Variants in PTPN2 observed in about 807,000 individuals in gnomAD.
PTPN2 encodes tyrosine-protein phosphatase non-receptor type 2.
In PTPN2, 19 loss-of-function variants were observed where a neutral mutation model predicts 57.3. The ratio of observed to expected loss-of-function variants is 0.33; its 90% confidence interval spans 0.23 to 0.49. The LOEUF is 0.49. PTPN2 is among the 20% of genes least tolerant of loss of function. The pLI is 0.99. For missense variants in PTPN2, 358 were observed against 501.1 expected, an observed-to-expected ratio of 0.71 and a Z score of 2.73; for synonymous variants, 153 against 164.9, an observed-to-expected ratio of 0.93 and a Z score of 0.55.
intron 1 of PTPN2, chr18:12,883,805 C>T (rs1310412347): frequency 6.1e-6 from 2 of 328,710 alleles, no homozygotes; most frequent in Non-Finnish European, 1.1e-5. Flanking sequence ...CAAGAAGCCG[C>T]TGTGGCACCG....
chr18:12,785,934 CAATG>C, intron 9 of PTPN2: 1 of 1,148,690 alleles, frequency 8.7e-7, no homozygotes, highest in South Asian at 1.3e-5. Flanking sequence ...AAAGGACTAA[CAATG>C]AACTGAAAAG....
At chr18:12,865,463 C>T (rs563328339) in intron 1 of PTPN2, among the ~76,000 whole-genome samples, 38 of 149,708 alleles carry the variant, frequency 2.5e-4, no homozygotes, top group African/African-American at 8.6e-4. Flanking sequence ...AAGAGAGAGG[C>T]GGGGCACAGT....
At chr18:12,825,513 T>C (rs897921250) in intron 5 of PTPN2, among the ~76,000 whole-genome samples, 4 of 152,194 alleles carry the variant, frequency 2.6e-5, no homozygotes, top group Admixed American at 6.5e-5. Context: ...GAGCTGGATC[T>C]GAATCCAGGT....
intron 1 of PTPN2, chr18:12,863,560 G>A (rs1381653277): frequency 4.8e-5 from 7 of 147,252 alleles, no homozygotes; most frequent in South Asian, 2.2e-4. Flanking sequence ...TTGGGGGGGG[G>A]GGGGCAAGTG....
At chr18:12,840,890 G>A in intron 2 of PTPN2, 2 of 1,559,462 alleles carry the variant, frequency 1.3e-6, no homozygotes, top group Non-Finnish European at 1.7e-6. Flanking sequence ...TGCAGTCCAT[G>A]ACATATCTTC....
intron 1 of PTPN2, among the ~76,000 whole-genome samples, chr18:12,861,230 T>C (rs1359103144): frequency 1.3e-5 from 2 of 152,234 alleles, no homozygotes; most frequent in Non-Finnish European, 2.9e-5. Context: ...GACTGGTAAG[T>C]ACTTTTGCAA....
intron 8 of PTPN2, among the ~76,000 whole-genome samples, chr18:12,798,319 G>A (rs1342939774): frequency 6.6e-6 from 1 of 152,134 alleles, no homozygotes; most frequent in Non-Finnish European, 1.5e-5. Context: ...TCCGTGACAT[G>A]TACAACAAGT....
intron 4 of PTPN2, among the ~76,000 whole-genome samples, 197 bp from the exon 5 acceptor site, chr18:12,826,141 G>C (rs1347329666): frequency 3.3e-5 from 5 of 152,182 alleles, no homozygotes; most frequent in Non-Finnish European, 5.9e-5. Flanking sequence ...GGTGACTCAC[G>C]CCTGTAATCC....
At chr18:12,798,771 C>A (rs933702013) in intron 8 of PTPN2, among the ~76,000 whole-genome samples, 2 of 152,070 alleles carry the variant, frequency 1.3e-5, no homozygotes, top group African/African-American at 2.4e-5. Flanking sequence ...GGGTGTATAC[C>A]CAGTAATGGG....
chr18:12,864,402 CT>C (rs1248951965), intron 1 of PTPN2, among the ~76,000 whole-genome samples: 155 of 143,942 alleles, frequency 1.1e-3, no homozygotes, highest in Admixed American at 2.0e-3. Context: ...ACCTACTTTC[CT>C]TTTTTTTTTT....
chr18:12,835,527 C>T (rs917622802), intron 3 of PTPN2, among the ~76,000 whole-genome samples: 1 of 151,968 alleles, frequency 6.6e-6, no homozygotes, highest in Non-Finnish European at 1.5e-5. Context: ...AGGTACCCGC[C>T]ACCATGCCCA....
chr18:12,870,391 ATG>A (rs1491404541), intron 1 of PTPN2, among the ~76,000 whole-genome samples: 65 of 72,228 alleles, frequency 9.0e-4, no homozygotes, highest in Admixed American at 4.0e-3. Flanking sequence ...ATACGTATAT[ATG>A]TATATATACA....
At chr18:12,840,659 G>C in intron 2 of PTPN2, 1 of 1,575,088 alleles carries the variant, frequency 6.3e-7, no homozygotes, top group East Asian at 2.2e-5. Flanking sequence ...CATCACAAGT[G>C]TAACACACTA....
downstream of PTPN2, among the ~76,000 whole-genome samples, chr18:12,789,870 GTGTGTGTGTA>G (rs1200424995): frequency 2.0e-5 from 3 of 149,090 alleles, no homozygotes; most frequent in African/African-American, 2.5e-5. Context: ...ATGTGTGTGT[GTGTGTGTGTA>G]TATATATATG....
chr18:12,828,699 T>C (rs2042562373), intron 4 of PTPN2, among the ~76,000 whole-genome samples: 1 of 152,200 alleles, frequency 6.6e-6, no homozygotes, highest in Non-Finnish European at 1.5e-5. Context: ...CATATGCATA[T>C]TGTTCCTTAG....
At chr18:12,871,381 GTAT>G (rs1426113419) in intron 1 of PTPN2, among the ~76,000 whole-genome samples, 4 of 151,642 alleles carry the variant, frequency 2.6e-5, no homozygotes, top group Non-Finnish European at 4.4e-5. Context: ...GTGAAAAATG[GTAT>G]TATTATAGTC....
At chr18:12,819,146 C>A in intron 5 of PTPN2, 3 of 642,630 alleles carry the variant, frequency 4.7e-6, no homozygotes, top group Non-Finnish European at 2.4e-6. Context: ...CTTCTATGTC[C>A]CAGACTCAGT....
At chr18:12,801,921 T>G in intron 8 of PTPN2, 49 bp downstream of exon 8, 1 of 1,489,708 alleles carries the variant, frequency 6.7e-7, no homozygotes, top group Non-Finnish European at 9.0e-7. Context: ...AAATTTATTT[T>G]TAAAATAAAA....
chr18:12,836,718 T>A, intron 3 of PTPN2, 73 bp downstream of exon 3: 2 of 941,464 alleles, frequency 2.1e-6, no homozygotes, highest in East Asian at 5.1e-5. Context: ...AGATATACTT[T>A]TACCTATGAT....
Sources: allele counts gnomAD v4.1 joint callset (sites outside exome capture counted in the v4.1 genomes callset), GRCh38; gene constraint gnomAD v4.1.1; transcripts MANE v1.5; gene names NCBI Gene and HGNC (gene_info 2026-07-23, HGNC 2026-07-21).